KANK1: variants seen among roughly 807,000 people sequenced by gnomAD.
KANK1 encodes KN motif and ankyrin repeat domains 1, also known as KN motif and ankyrin repeat domain-containing protein 1.
Under a neutral mutation model 106.2 loss-of-function variants are expected in KANK1, and 109 were observed. The ratio of observed to expected loss-of-function variants is 1.03; its 90% confidence interval spans 0.88 to 1.20. The LOEUF (loss-of-function observed/expected upper bound fraction) is 1.20. KANK1 is among the 50% of genes most tolerant of loss of function. The probability of loss-of-function intolerance (pLI) is 0.00; values close to 1 mark genes in which losing one functional copy is unlikely to be tolerated. For missense variants in KANK1, 2,399 were observed against 1,710.7 expected, an observed-to-expected ratio of 1.40 and a Z score of -7.10; for synonymous variants, 873 against 652.2, an observed-to-expected ratio of 1.34 and a Z score of -5.16.
At chr9:689,244 G>C (rs984597559) in intron 2 of KANK1, among the ~76,000 whole-genome samples, 3 of 152,172 alleles carry the variant, frequency 2.0e-5, no homozygotes, top group African/African-American at 7.2e-5. Flanking sequence ...TGCGACACTA[G>C]TTTTAAGCCT....
intron 1 of KANK1, among the ~76,000 whole-genome samples, chr9:557,599 A>G (rs1815160130): frequency 6.6e-6 from 1 of 152,226 alleles, no homozygotes; most frequent in Non-Finnish European, 1.5e-5. Context: ...TCAAAAATGT[A>G]CATATGATCT....
chr9:686,901 G>A (rs1818711558), intron 2 of KANK1: 2 of 985,292 alleles, frequency 2.0e-6, no homozygotes, highest in Non-Finnish European at 1.2e-6. Context: ...AGAATCCTGA[G>A]ACTAAACATC....
At chr9:728,438 T>C (rs1252138496) in intron 3 of KANK1, among the ~76,000 whole-genome samples, 7 of 151,762 alleles carry the variant, frequency 4.6e-5, no homozygotes, top group African/African-American at 1.7e-4. Flanking sequence ...CCTCAGGTGA[T>C]CCACCTGCCT....
chr9:520,530 G>A lies in KANK1; in HGVS notation c.-84+15776G>A, dbSNP rs577865477. Among the ~76,000 whole-genome samples, 21 of 151,678 alleles carry A rather than the reference G, an allele frequency of 1.4e-4. 2 individuals are homozygous for A. The highest frequency in any genetic ancestry group is 5.1e-4 in the African/African-American group (21 of 41,036). ...TGCTATAAGTCACGTGACAATGGGG[G>A]ATATAATCCTCTTTCAGGGAGGTTA... On this transcript the variant is annotated intron_variant, in intron 1 of 11. Transcript: ENST00000382297.
intron 1 of KANK1, among the ~76,000 whole-genome samples, chr9:504,991 C>A (rs1225204774): frequency 2.0e-5 from 3 of 151,362 alleles, no homozygotes; most frequent in Non-Finnish European, 4.4e-5. Flanking sequence ...GCGTCGGCCC[C>A]GCGGCCGTCG....
intron 1 of KANK1, among the ~76,000 whole-genome samples, chr9:616,015 C>T (rs1831732952): frequency 6.6e-6 from 1 of 152,158 alleles, no homozygotes. Flanking sequence ...GAAGGTTTCT[C>T]ATATTAAGGA....
At chr9:587,041 T>C (rs536657635) in intron 1 of KANK1, among the ~76,000 whole-genome samples, 72 of 152,326 alleles carry the variant, frequency 4.7e-4, no homozygotes, top group African/African-American at 1.7e-3. Context: ...CTGGATGGAC[T>C]TCTGAACTAG....
intron 1 of KANK1, among the ~76,000 whole-genome samples, chr9:593,997 T>G (rs1825623111): frequency 6.6e-6 from 1 of 151,896 alleles, no homozygotes; most frequent in Non-Finnish European, 1.5e-5. Context: ...GCTGTGCCCT[T>G]CACACTGGTT....
chr9:566,510 G>A (rs573721676), intron 1 of KANK1, among the ~76,000 whole-genome samples: 11 of 152,040 alleles, frequency 7.2e-5, no homozygotes, highest in Admixed American at 1.3e-4. Context: ...CTGCAACCTC[G>A]CCAGCACCTG....
At chr9:599,023 T>C (rs12347498) in intron 1 of KANK1, among the ~76,000 whole-genome samples, 2,858 of 147,370 alleles carry the variant, frequency 0.019, 159 homozygotes, top group African/African-American at 0.068. Context: ...TATTATTATT[T>C]TTTTTTTTTT....
chr9:727,768 TTTA>T (rs1831133270), intron 3 of KANK1, among the ~76,000 whole-genome samples: 2 of 152,016 alleles, frequency 1.3e-5, no homozygotes, highest in South Asian at 2.1e-4. Context: ...TACATGGAAT[TTTA>T]TTATCTGCTT....
intron 3 of KANK1, among the ~76,000 whole-genome samples, chr9:475,580 C>G (rs72705647): frequency 6.6e-6 from 1 of 152,218 alleles, no homozygotes; most frequent in Non-Finnish European, 1.5e-5. Context: ...GAGTTATGCC[C>G]TACAAACCAA....
chr9:495,681 CTT>C (rs1235550876), intron 3 of KANK1: 9 of 152,210 alleles, frequency 5.9e-5, no homozygotes, highest in Non-Finnish European at 1.2e-4. Context: ...GGCGCAGTCT[CTT>C]TTCCTCCCCG....
intron 1 of KANK1, among the ~76,000 whole-genome samples, chr9:646,287 A>G (rs898457797): frequency 2.0e-5 from 3 of 151,024 alleles, no homozygotes; most frequent in South Asian, 2.1e-4. Flanking sequence ...ACTTGAGGCC[A>G]GGAGTTCAAG....
intron 1 of KANK1, among the ~76,000 whole-genome samples, chr9:658,944 T>C (rs1236339267): frequency 6.6e-6 from 1 of 152,188 alleles, no homozygotes; most frequent in African/African-American, 2.4e-5. Flanking sequence ...CCCATTCCTA[T>C]ACATCTGCAT....
chr9:573,684 T>C (rs1460782932), intron 1 of KANK1, among the ~76,000 whole-genome samples: 1 of 151,854 alleles, frequency 6.6e-6, no homozygotes, highest in African/African-American at 2.4e-5. Flanking sequence ...TTAAAGAAAA[T>C]GTTAAAATGG....
At chr9:571,491 A>G (rs950564238) in intron 1 of KANK1, among the ~76,000 whole-genome samples, 4 of 152,208 alleles carry the variant, frequency 2.6e-5, no homozygotes, top group Non-Finnish European at 4.4e-5. Context: ...CAAGGAAGTC[A>G]CATGTTATTT....
At chr9:660,166 GA>G in intron 1 of KANK1, 1 of 314,752 alleles carries the variant, frequency 3.2e-6, no homozygotes, top group Non-Finnish European at 6.6e-6. Context: ...AGAAACCAAT[GA>G]AGGCATTTAA....
intron 1 of KANK1, among the ~76,000 whole-genome samples, chr9:612,162 T>C (rs1165005463): frequency 3.3e-5 from 5 of 152,204 alleles, no homozygotes; most frequent in Admixed American, 2.0e-4. Context: ...TTGCACTTTG[T>C]TAATAGGAAA....
Sources: gnomAD v4.1 joint callset for allele counts (sites outside exome capture counted in the v4.1 genomes callset) on GRCh38, gnomAD v4.1.1 for gene constraint, MANE v1.5 for transcripts, NCBI Gene and HGNC (gene_info 2026-07-23, HGNC 2026-07-21) for gene names.